The following NSUN6 variants were observed in gnomAD, a reference collection of about 807,000 sequenced individuals.
NSUN6 encodes NOP2/Sun RNA methyltransferase 6.
In NSUN6, 64 loss-of-function variants were observed where a neutral mutation model predicts 58.0. That is an observed-to-expected ratio of 1.10 (90% CI 0.90 to 1.36). The LOEUF (loss-of-function observed/expected upper bound fraction) is 1.36. Ranked by LOEUF, NSUN6 falls within the 40% of genes most tolerant of loss-of-function variation. The probability of loss-of-function intolerance (pLI) is 0.00; values close to 1 mark genes in which losing one functional copy is unlikely to be tolerated. For missense variants in NSUN6, 701 were observed against 550.1 expected, an observed-to-expected ratio of 1.27 and a Z score of -2.74; for synonymous variants, 231 against 193.9, an observed-to-expected ratio of 1.19 and a Z score of -1.59.
intron 3 of NSUN6, among the ~76,000 whole-genome samples, chr10:18,636,443 T>A (rs892577965): frequency 6.7e-6 from 1 of 150,272 alleles, no homozygotes; most frequent in Non-Finnish European, 1.5e-5. Flanking sequence ...GGTGGATCAC[T>A]TGAGCTCAGG....
chr10:18,558,843 G>A (rs897628873), intron 8 of NSUN6, among the ~76,000 whole-genome samples: 1 of 151,634 alleles, frequency 6.6e-6, no homozygotes, highest in African/African-American at 2.4e-5. Context: ...GAAAAGAATG[G>A]AATGGAGAAT....
At chr10:18,597,414 T>A (rs2057632894) in intron 6 of NSUN6, among the ~76,000 whole-genome samples, 1 of 152,186 alleles carries the variant, frequency 6.6e-6, no homozygotes, top group Admixed American at 6.5e-5. Context: ...CTCTTAAAGC[T>A]TAAAGGTTTC....
At chr10:18,658,836 C>T (rs563691248), upstream of NSUN6, among the ~76,000 whole-genome samples, 1 of 152,242 alleles carries the variant, frequency 6.6e-6, no homozygotes, top group South Asian at 2.1e-4. Context: ...ACCTCGTCTG[C>T]AATCGATCAA....
intron 7 of NSUN6, among the ~76,000 whole-genome samples, chr10:18,589,951 A>G (rs1172065851): frequency 6.6e-6 from 1 of 152,196 alleles, no homozygotes; most frequent in African/African-American, 2.4e-5. Flanking sequence ...CAATTAAAAG[A>G]TACAGACTAG....
intron 3 of NSUN6, among the ~76,000 whole-genome samples, chr10:18,628,046 C>A (rs981337400): frequency 2.0e-5 from 3 of 152,220 alleles, no homozygotes; most frequent in Non-Finnish European, 4.4e-5. Flanking sequence ...TCTCCCAGCA[C>A]GCAGCTGGAG....
intron 8 of NSUN6, among the ~76,000 whole-genome samples, chr10:18,562,897 G>A (rs2055641246): frequency 6.9e-6 from 1 of 143,918 alleles, no homozygotes; most frequent in African/African-American, 2.6e-5. Flanking sequence ...GGAGTGGAAT[G>A]GAATGGAAGG....
intron 7 of NSUN6, among the ~76,000 whole-genome samples, chr10:18,586,374 T>C (rs1215015532): frequency 6.6e-6 from 1 of 152,046 alleles, no homozygotes; most frequent in Non-Finnish European, 1.5e-5. Flanking sequence ...TTCCTTCAGA[T>C]GTTCAGATGT....
Position 18,551,870 on chromosome 10 carries a change from T to G in NSUN6, c.1024A>C (p.Lys342Gln). The change falls in exon 9 of 11, where the codon AAG (lysine) becomes CAG (glutamine). Residue 342 changes from lysine (K) to glutamine (Q), a missense_variant. By Grantham distance (53) the Lys-to-Gln change is moderately conservative (BLOSUM62 1). Transcript: ENST00000377304. ...RPNMACTWSV[K>Q]EVASYQPLQR... ...AATGGCTGATATGATGCCACTTCCT[T>G]CACAGACCAAGTACAGGCCATGTTT... 1 of 1,613,596 alleles carries G rather than the reference T, an allele frequency of 6.2e-7. No homozygotes were observed. The highest frequency in any genetic ancestry group is 8.5e-7 in the Non-Finnish European group (1 of 1,179,582).
intron 5 of NSUN6, among the ~76,000 whole-genome samples, chr10:18,613,449 T>G (rs1165377574): frequency 6.6e-6 from 1 of 152,106 alleles, no homozygotes; most frequent in East Asian, 1.9e-4. Context: ...AAAAAATTAT[T>G]CAGAACATTG....
intron 6 of NSUN6, among the ~76,000 whole-genome samples, chr10:18,596,616 A>C (rs2057597627): frequency 6.6e-6 from 1 of 152,184 alleles, no homozygotes; most frequent in Admixed American, 6.5e-5. Flanking sequence ...ACCAGCAAAA[A>C]ATAAATAAAT....
intron 5 of NSUN6, 152 bp from the exon 6 acceptor site, chr10:18,610,078 G>C: frequency 1.7e-6 from 1 of 604,422 alleles, no homozygotes; most frequent in Non-Finnish European, 3.0e-6. Flanking sequence ...CCAGCACTTT[G>C]GGAGGCAGAG....
upstream of NSUN6, among the ~76,000 whole-genome samples, chr10:18,655,562 C>T (rs572914835): frequency 1.3e-5 from 2 of 152,228 alleles, no homozygotes; most frequent in Non-Finnish European, 2.9e-5. Flanking sequence ...TCTGACATGT[C>T]AAGAGAGTCA....
chr10:18,575,922 T>C (rs1175264528), intron 8 of NSUN6, among the ~76,000 whole-genome samples: 1 of 152,094 alleles, frequency 6.6e-6, no homozygotes, highest in Admixed American at 6.5e-5. Context: ...TCCGGGTGCA[T>C]CAAGATCAGC....
At chr10:18,577,079 C>T (rs150177917) in intron 8 of NSUN6, among the ~76,000 whole-genome samples, 12 of 152,242 alleles carry the variant, frequency 7.9e-5, no homozygotes, top group Admixed American at 1.3e-4. Flanking sequence ...TACACTATAT[C>T]TATTACAACC....
chr10:18,634,746 G>C (rs2059155250), intron 3 of NSUN6, among the ~76,000 whole-genome samples: 1 of 141,344 alleles, frequency 7.1e-6, no homozygotes, highest in African/African-American at 2.6e-5. Context: ...GACAGAGCGA[G>C]ACTCTGTCTC....
chr10:18,584,169 A>G (rs1461456347), intron 8 of NSUN6, among the ~76,000 whole-genome samples: 1 of 152,200 alleles, frequency 6.6e-6, no homozygotes, highest in Non-Finnish European at 1.5e-5. Context: ...ATCCACCAGG[A>G]GGACATATCG....
chr10:18,643,935 C>T (rs1412155940), intron 2 of NSUN6, among the ~76,000 whole-genome samples: 1 of 152,186 alleles, frequency 6.6e-6, no homozygotes, highest in Non-Finnish European at 1.5e-5. Context: ...ACATACCCTT[C>T]ATAACACACG....
chr10:18,557,109 G>A (rs1278196400), intron 8 of NSUN6, among the ~76,000 whole-genome samples: 1 of 151,538 alleles, frequency 6.6e-6, no homozygotes, highest in Middle Eastern at 3.2e-3. Context: ...ATAGTGTGCA[G>A]AATGGAATGG....
intron 6 of NSUN6, among the ~76,000 whole-genome samples, chr10:18,597,301 A>G (rs1427724891): frequency 6.6e-6 from 1 of 152,220 alleles, no homozygotes; most frequent in Non-Finnish European, 1.5e-5. Context: ...GGCAAGAAAA[A>G]CAGAGTCTTA....
Sources: gnomAD v4.1 joint callset for allele counts (sites outside exome capture counted in the v4.1 genomes callset) on GRCh38, gnomAD v4.1.1 for gene constraint, MANE v1.5 for transcripts, NCBI Gene and HGNC (gene_info 2026-07-23, HGNC 2026-07-21) for gene names.